The following FHIT variants were observed in gnomAD, a reference collection of about 807,000 sequenced individuals.
FHIT encodes the protein bis(5'-adenosyl)-triphosphatase.
A neutral mutation model predicts 17.9 loss-of-function variants in FHIT; 19 were observed. That is an observed-to-expected ratio of 1.06 (90% confidence interval 0.74 to 1.56). FHIT has a LOEUF of 1.56. Ranked by LOEUF, FHIT falls within the 40% of genes most tolerant of loss-of-function variation. The pLI is 0.00. For missense variants in FHIT, 248 were observed against 189.2 expected, an observed-to-expected ratio of 1.31 and a Z score of -1.82; for synonymous variants, 81 against 69.7, an observed-to-expected ratio of 1.16 and a Z score of -0.81.
chr3:60,828,170 T>G (rs1702192910), intron 3 of FHIT, among the ~76,000 whole-genome samples: 1 of 152,198 alleles, frequency 6.6e-6, no homozygotes, highest in Non-Finnish European at 1.5e-5. Context: ...GTGAGATAAT[T>G]TATGTAAAGA....
intron 1 of FHIT, among the ~76,000 whole-genome samples, chr3:61,206,290 T>G (rs1419777387): frequency 7.6e-6 from 1 of 130,888 alleles, no homozygotes; most frequent in African/African-American, 2.8e-5. Context: ...AGGATTGACT[T>G]GGTGATGCAG....
chr3:60,639,695 G>C (rs1553684869), intron 4 of FHIT, among the ~76,000 whole-genome samples: 2 of 152,106 alleles, frequency 1.3e-5, no homozygotes, highest in Non-Finnish European at 2.9e-5. Flanking sequence ...ACACTAAAAG[G>C]AACTAAAGGG....
intron 5 of FHIT, among the ~76,000 whole-genome samples, chr3:60,256,463 G>C (rs1705997471): frequency 6.6e-6 from 1 of 152,180 alleles, no homozygotes; most frequent in South Asian, 2.1e-4. Context: ...ATAGAAGCAG[G>C]AACTGACTGA....
chr3:60,931,728 G>C (rs1213266113), intron 3 of FHIT, among the ~76,000 whole-genome samples: 1 of 152,166 alleles, frequency 6.6e-6, no homozygotes, highest in Non-Finnish European at 1.5e-5. Flanking sequence ...GGGAGAGCTT[G>C]GTGAAGCTGA....
At chr3:60,354,745 T>C (rs2106959590) in intron 5 of FHIT, among the ~76,000 whole-genome samples, 1 of 152,336 alleles carries the variant, frequency 6.6e-6, no homozygotes, top group Admixed American at 6.5e-5. Context: ...TGGTAATATC[T>C]GATGGCTGAT....
chr3:59,774,086 T>C (rs187400058), intron 8 of FHIT, among the ~76,000 whole-genome samples: 1 of 152,334 alleles, frequency 6.6e-6, no homozygotes, highest in Admixed American at 6.5e-5. Flanking sequence ...TTATGTTTAT[T>C]TTGGACAGGG....
intron 7 of FHIT, among the ~76,000 whole-genome samples, chr3:59,922,793 A>G (rs970179315): frequency 2.0e-5 from 3 of 152,216 alleles, no homozygotes; most frequent in East Asian, 3.8e-4. Context: ...AGAGAACTGC[A>G]TAAGTAAAGA....
chr3:60,023,780 C>A (rs559511877), intron 5 of FHIT, among the ~76,000 whole-genome samples: 2 of 152,122 alleles, frequency 1.3e-5, no homozygotes, highest in Admixed American at 1.3e-4. Flanking sequence ...GTGCTACACA[C>A]AGAGCTTAAC....
chr3:60,370,886 C>T (rs931619149), intron 5 of FHIT, among the ~76,000 whole-genome samples: 1 of 152,192 alleles, frequency 6.6e-6, no homozygotes, highest in Non-Finnish European at 1.5e-5. Context: ...TATTCCCACA[C>T]ATCTCTAGAA....
At chr3:61,134,100 TACACAC>T (rs150931006) in intron 2 of FHIT, among the ~76,000 whole-genome samples, 17 of 134,876 alleles carry the variant, frequency 1.3e-4, no homozygotes, top group Admixed American at 3.7e-4. Context: ...CACACACACA[TACACAC>T]ACACACACAC....
chr3:60,912,149 C>A (rs1204186636), intron 3 of FHIT, among the ~76,000 whole-genome samples: 1 of 152,038 alleles, frequency 6.6e-6, no homozygotes, highest in Admixed American at 6.6e-5. Flanking sequence ...AATATGTATA[C>A]TACTACTACT....
intron 5 of FHIT, among the ~76,000 whole-genome samples, chr3:60,148,259 C>T (rs1371128284): frequency 6.6e-6 from 1 of 152,198 alleles, no homozygotes; most frequent in African/African-American, 2.4e-5. Flanking sequence ...CCATACTATA[C>T]ATGCCATATG....
At chr3:60,207,332 G>C (rs984794166) in intron 5 of FHIT, among the ~76,000 whole-genome samples, 3 of 152,154 alleles carry the variant, frequency 2.0e-5, no homozygotes, top group African/African-American at 7.2e-5. Context: ...CAACAATCGT[G>C]TCCAGTCATT....
chr3:60,607,335 C>A (rs1292400922), intron 4 of FHIT, among the ~76,000 whole-genome samples: 3 of 151,950 alleles, frequency 2.0e-5, no homozygotes, highest in Non-Finnish European at 4.4e-5. Flanking sequence ...TAAACAGTCA[C>A]TTCCTCGGTG....
chr3:59,910,069 G>A (rs981952718), intron 8 of FHIT, among the ~76,000 whole-genome samples: 1 of 152,184 alleles, frequency 6.6e-6, no homozygotes, highest in Admixed American at 6.5e-5. Flanking sequence ...AGGCTGAGGA[G>A]GTGCACCTGT....
intron 5 of FHIT, among the ~76,000 whole-genome samples, chr3:60,020,593 G>T (rs898432502): frequency 6.6e-6 from 1 of 152,072 alleles, no homozygotes; most frequent in Non-Finnish European, 1.5e-5. Context: ...TATTCATCTC[G>T]ACTGCAGATC....
intron 8 of FHIT, among the ~76,000 whole-genome samples, chr3:59,904,913 A>G (rs1183882902): frequency 6.6e-6 from 1 of 152,234 alleles, no homozygotes; most frequent in African/African-American, 2.4e-5. Flanking sequence ...GACACCACTC[A>G]AAGGTGGGCA....
At chr3:59,967,711 A>G (rs1258464644) in intron 7 of FHIT, among the ~76,000 whole-genome samples, 1 of 152,170 alleles carries the variant, frequency 6.6e-6, no homozygotes, top group African/African-American at 2.4e-5. Flanking sequence ...TGTTTGTTGG[A>G]TAAGCCCAGT....
At chr3:59,986,551 A>ACG (rs1708931091) in intron 7 of FHIT, among the ~76,000 whole-genome samples, 1 of 61,450 alleles carries the variant, frequency 1.6e-5, no homozygotes, top group Non-Finnish European at 2.7e-5. Context: ...ACACACACAC[A>ACG]CACACACACA....
Sources: gnomAD v4.1 joint callset for allele counts (sites outside exome capture counted in the v4.1 genomes callset) on GRCh38, gnomAD v4.1.1 for gene constraint, MANE v1.5 for transcripts, NCBI Gene and HGNC (gene_info 2026-07-23, HGNC 2026-07-21) for gene names.